The following PLAGL1 variants were observed in gnomAD, a reference collection of about 807,000 sequenced individuals.
PLAGL1 encodes the protein PLAG1 like zinc finger 1.
PLAGL1 carries 1 observed loss-of-function variant against 4.6 expected under a neutral mutation model. That is an observed-to-expected ratio of 0.22 (90% CI 0.08 to 1.03). The LOEUF (loss-of-function observed/expected upper bound fraction) is 1.03. PLAGL1 is among the 50% of genes least tolerant of loss of function. The pLI, the probability that PLAGL1 is intolerant of heterozygous loss-of-function variation, is 0.58. For missense variants in PLAGL1, 464 were observed against 570.4 expected, an observed-to-expected ratio of 0.81 and a Z score of 1.90; for synonymous variants, 240 against 237.8, an observed-to-expected ratio of 1.01 and a Z score of -0.08.
intron 1 of PLAGL1, among the ~76,000 whole-genome samples, chr6:144,038,639 A>C (rs1291122652): frequency 6.6e-6 from 1 of 152,246 alleles, no homozygotes; most frequent in Non-Finnish European, 1.5e-5. Context: ...AAAGAAATAT[A>C]TTTGGAAATA....
At chr6:144,012,434 G>A (rs534439151), upstream of PLAGL1, among the ~76,000 whole-genome samples, 9 of 151,994 alleles carry the variant, frequency 5.9e-5, no homozygotes, top group African/African-American at 1.4e-4. This position sits in a 1 kb window ranked among gnomAD's most constrained non-coding sequence, Gnocchi z 4.8. Flanking sequence ...GGGGAAGTTC[G>A]CCATGTTAGC....
At chr6:143,991,751 G>C (rs1313649762) in intron 1 of PLAGL1, among the ~76,000 whole-genome samples, 1 of 152,220 alleles carries the variant, frequency 6.6e-6, no homozygotes, top group Non-Finnish European at 1.5e-5. Context: ...TGTCCAAAGA[G>C]CTTCAAGCCT....
chr6:144,041,834 G>A (rs536295328), intron 1 of PLAGL1, among the ~76,000 whole-genome samples: 21 of 152,184 alleles, frequency 1.4e-4, no homozygotes, highest in African/African-American at 3.9e-4. Flanking sequence ...TCTCCGCATC[G>A]TCTCCAGCAC....
In PLAGL1 at chr6:144,039,185, G is replaced by C. The variant is rs1797523290; in HGVS notation, c.-151+25283C>G. Reference sequence around the variant, plus strand: ...GAAGAGACAATCCAAAAGAAAAATGGGCAAGGCATATAAACAGGTGTTTTA... The same window carrying C: ...GAAGAGACAATCCAAAAGAAAAATGCGCAAGGCATATAAACAGGTGTTTTA... On this transcript the variant is annotated intron_variant, in intron 1 of 3. Coordinates refer to the PLAGL1 transcript ENST00000437412. The surrounding 1 kb of genome is among the most constrained non-coding windows in gnomAD (Gnocchi z 4.1). Among the ~76,000 whole-genome samples the C allele has an allele frequency of 7.2e-6, 1 of 138,690 alleles. No individual in the cohort carries two copies. The highest frequency in any genetic ancestry group is 7.1e-5 in the Admixed American group (1 of 14,098). 91.0% of individuals were successfully genotyped at this position (138,690 alleles called of 152,430 possible). A position where few individuals can be genotyped will look rare whatever the true frequency, so the allele number is the denominator to read the frequency against.
rs1027700843 is a variant in PLAGL1 at position 143,978,433 on chromosome 6, T to C, written c.-544+6702A>G. On this transcript the variant is annotated intron_variant, in intron 2 of 7. Coordinates refer to ENST00000674357, the MANE Select transcript of PLAGL1 (RefSeq NM_001317162.2). This position sits in a 1 kb window ranked among gnomAD's most constrained non-coding sequence, Gnocchi z 4.6. The stretch of plus-strand genomic sequence containing the variant: ...AGATTTTTCTTTGATCCATGGGTTA[T>C]TTAGAAGCATACTGTTTAATTTCCA... Among the ~76,000 whole-genome samples, 6 of 152,196 alleles carry C rather than the reference T, an allele frequency of 3.9e-5. No individual in the cohort carries two copies. Among genetic ancestry groups the C allele is most frequent in the Non-Finnish European group, 7.4e-5 (5 of 68,018 alleles).
chr6:144,042,027 G>T (rs1035364745), intron 1 of PLAGL1, among the ~76,000 whole-genome samples: 2 of 151,958 alleles, frequency 1.3e-5, no homozygotes, highest in African/African-American at 4.8e-5. Context: ...TTTTGATGGG[G>T]TTGTTTTTTT....
chr6:144,017,686 C>T (rs960795706), intron 1 of PLAGL1, among the ~76,000 whole-genome samples: 7 of 152,252 alleles, frequency 4.6e-5, no homozygotes, highest in East Asian at 3.9e-4. Flanking sequence ...CTTAGAATTC[C>T]TTCACTTCCT....
intron 1 of PLAGL1, among the ~76,000 whole-genome samples, chr6:144,051,617 A>T (rs1234214424): frequency 1.3e-5 from 2 of 152,236 alleles, no homozygotes; most frequent in African/African-American, 4.8e-5. Flanking sequence ...ATAAAGACAT[A>T]TCATAACTAT....
chr6:144,018,626 ATAAAATATATCATTTTTATTCATCAAT>A (rs1795732478), intron 1 of PLAGL1, among the ~76,000 whole-genome samples: 1 of 152,270 alleles, frequency 6.6e-6, no homozygotes, highest in Admixed American at 6.5e-5. Context: ...GTTAGACACC[ATAAAATATATCATTTTTATTCATCAAT>A]TTAAAGAAAA....
In PLAGL1 at chr6:144,055,298, G is replaced by A. The variant is rs1057514793; in HGVS notation, c.-151+9170C>T. Among the ~76,000 whole-genome samples the A allele has an allele frequency of 3.3e-5, 5 of 152,148 alleles. No homozygotes were observed. Among genetic ancestry groups the A allele is most frequent in the African/African-American group, 1.2e-4 (5 of 41,422 alleles). ...CTTTCATTTTACATATAAGGAAGCAGACTCAAAGGTCACAAAGCCAAGAAC... is the reference window on the plus strand; with the variant it reads ...CTTTCATTTTACATATAAGGAAGCAAACTCAAAGGTCACAAAGCCAAGAAC... On this transcript the variant is annotated intron_variant, in intron 1 of 3. Transcript: ENST00000437412. This position sits in a 1 kb window ranked among gnomAD's most constrained non-coding sequence, Gnocchi z 5.0.
intron 1 of PLAGL1, among the ~76,000 whole-genome samples, chr6:143,999,500 T>C (rs1188923150): frequency 6.6e-6 from 1 of 152,234 alleles, no homozygotes; most frequent in Non-Finnish European, 1.5e-5. Flanking sequence ...GTGACCATTT[T>C]CCACAATATG....
rs981257621 is a variant in PLAGL1 at position 143,995,650 on chromosome 6, A to G, written c.-583-10476T>C. Among the ~76,000 whole-genome samples the G allele has an allele frequency of 2.0e-5, 3 of 152,158 alleles. No homozygotes were observed. The highest frequency in any genetic ancestry group is 7.2e-5 in the African/African-American group (3 of 41,444). On this transcript the variant is annotated intron_variant, in intron 1 of 7. Transcript: ENST00000674357. The surrounding 1 kb of genome is among the most constrained non-coding windows in gnomAD (Gnocchi z 4.4). ...TCATACCACTTAAAATTCAAACACT[A>G]TTATGATATATATGCTTATATAAAA...
At position 144,004,769 on chromosome 6, in the gene PLAGL1, A is replaced by G. The variant is rs990296208; in HGVS notation, c.-584+3321T>C. ...TCAACATGGATAAAAAATATATTAA[A>G]TACATTAAATCTACCTTAAAAGATG... On this transcript the variant is annotated intron_variant, in intron 1 of 7. Coordinates refer to ENST00000674357, the MANE Select transcript of PLAGL1 (RefSeq NM_001317162.2). This position sits in a 1 kb window ranked among gnomAD's most constrained non-coding sequence, Gnocchi z 4.2. 3 of 152,068 alleles carry G rather than the reference A, an allele frequency of 2.0e-5. No homozygotes were observed. The highest frequency in any genetic ancestry group is 4.4e-5 in the Non-Finnish European group (3 of 68,002). The allele number at this position is 152,068 out of a possible 1,614,324, so 9.4% of individuals were successfully genotyped here. A position where few individuals can be genotyped will look rare whatever the true frequency, so the allele number is the denominator to read the frequency against.
intron 1 of PLAGL1, among the ~76,000 whole-genome samples, chr6:144,025,726 C>T (rs1406900018): frequency 1.3e-5 from 2 of 151,438 alleles, no homozygotes; most frequent in Non-Finnish European, 2.9e-5. Flanking sequence ...CTTGTCTCTA[C>T]TAAAAATACA....
In PLAGL1 at chr6:143,958,274, A is replaced by G. The variant is rs1782593554; in HGVS notation, c.-325+2195T>C. On this transcript the variant is annotated intron_variant, in intron 6 of 7. Transcript: ENST00000674357. The surrounding 1 kb of genome is among the most constrained non-coding windows in gnomAD (Gnocchi z 5.1). ...GGTAACTCAGTTACCTGGAGAGAAC[A>G]GCAGATTGAAAGGTACTGTTCTGAA... Among the ~76,000 whole-genome samples, 1 of 152,260 alleles carries G rather than the reference A, an allele frequency of 6.6e-6. No homozygotes were observed. The highest frequency in any genetic ancestry group is 1.5e-5 in the Non-Finnish European group (1 of 68,046).
chr6:144,031,711 A>G (rs1378965457), intron 1 of PLAGL1, among the ~76,000 whole-genome samples: 1 of 152,074 alleles, frequency 6.6e-6, no homozygotes, highest in African/African-American at 2.4e-5. Context: ...TGGTCTATGT[A>G]CCTATTTTTA....
chr6:144,019,906 C>T (rs1159444957), intron 1 of PLAGL1, among the ~76,000 whole-genome samples: 1 of 152,086 alleles, frequency 6.6e-6, no homozygotes, highest in Non-Finnish European at 1.5e-5. Flanking sequence ...AAATGCATAG[C>T]TCCCAACCAA....
chr6:143,960,103 A>C lies in PLAGL1; in HGVS notation c.-325+366T>G, dbSNP rs1401858758. ...GACAGGACAACCTCTTACACATCTT[A>C]TGTACACAAGTTAGGAGTGTTGGCA... On this transcript the variant is annotated intron_variant, in intron 6 of 7. Coordinates refer to ENST00000674357, the MANE Select transcript of PLAGL1 (RefSeq NM_001317162.2). The surrounding 1 kb of genome is among the most constrained non-coding windows in gnomAD (Gnocchi z 5.7). 6.6e-6 allele frequency among the ~76,000 whole-genome samples: 1 copy of C among 152,198 alleles called. No homozygotes were observed. The highest frequency in any genetic ancestry group is 1.5e-5 in the Non-Finnish European group (1 of 68,042).
In PLAGL1 at chr6:143,960,580, G is replaced by A. The variant is rs1220091786; in HGVS notation, c.-398-38C>T. On this transcript the variant is annotated intron_variant, in intron 5 of 7. Coordinates refer to ENST00000674357, the MANE Select transcript of PLAGL1 (RefSeq NM_001317162.2). This position sits in a 1 kb window ranked among gnomAD's most constrained non-coding sequence, Gnocchi z 5.7. ...ACCTTGTACATCGTCAGGGAATGAA[G>A]CTAGGAAAACATTCCTCCATTATGT... is the stretch of plus-strand genomic sequence containing the variant. The A allele has an allele frequency of 2.0e-5, 3 of 152,196 alleles. No individual in the cohort carries two copies. Among genetic ancestry groups the A allele is most frequent in the Admixed American group, 2.0e-4 (3 of 15,284 alleles). 9.4% of individuals were successfully genotyped at this position (152,196 alleles called of 1,614,324 possible).
Sources: allele counts gnomAD v4.1 joint callset (sites outside exome capture counted in the v4.1 genomes callset), GRCh38; gene constraint gnomAD v4.1.1; non-coding constraint Gnocchi (gnomAD v3.1); transcripts MANE v1.5; gene names NCBI Gene and HGNC (gene_info 2026-07-23, HGNC 2026-07-21).